Variants in KANSL1 observed in about 807,000 individuals in gnomAD.
KANSL1 encodes the protein KAT8 regulatory NSL complex subunit 1, also known as MLL1/MLL complex subunit KANSL1.
Under a neutral mutation model 103.6 loss-of-function variants are expected in KANSL1, and 22 were observed. The observed-to-expected ratio is 0.21, with a 90% CI of 0.15 to 0.30. The LOEUF (loss-of-function observed/expected upper bound fraction) is 0.30, where lower values mean the gene tolerates loss of function less well. Ranked by LOEUF, KANSL1 falls within the 10% of genes least tolerant of loss-of-function variation. The pLI, the probability that KANSL1 is intolerant of heterozygous loss-of-function variation, is 1.00. For missense variants in KANSL1, 1,337 were observed against 1,399.8 expected (o/e 0.96, Z 0.72); for synonymous variants, 600 against 527.6 (o/e 1.14, Z -1.88).
At position 46,208,852 on chromosome 17, in the gene KANSL1, C is replaced by CA. The variant is rs35006267; in HGVS notation, c.-90+14818dup. Among the ~76,000 whole-genome samples, 306 of 101,852 alleles carry CA rather than the reference C, an allele frequency of 3.0e-3. 1 individual carries two copies. Among genetic ancestry groups the CA allele is most frequent in the East Asian group, 0.011 (31 of 2,810 alleles). 66.8% of individuals were successfully genotyped at this position (101,852 alleles called of 152,430 possible). A position where few individuals can be genotyped will look rare whatever the true frequency, so the allele number is the denominator to read the frequency against. On this transcript the variant is annotated intron_variant, in intron 1 of 14. Transcript: ENST00000572904. ...TGGGCGACACAGCAAGACTCCGTCT[C>CA]AAAAAAAAAAAAAAAACCTTACAAC...
chr17:46,205,336 A>G (rs2147997329), intron 1 of KANSL1, among the ~76,000 whole-genome samples: 1 of 152,260 alleles, frequency 6.6e-6, no homozygotes, highest in African/African-American at 2.4e-5. Context: ...CAATCTGAAC[A>G]TGAAAAGTTT....
At chr17:46,032,386 G>C in intron 13 of KANSL1, 87 bp from the exon 14 acceptor site, 7 of 1,208,460 alleles carry the variant, frequency 5.8e-6, no homozygotes, top group Non-Finnish European at 7.9e-6. Flanking sequence ...CCCACTGGAG[G>C]AGTTGAGGCA....
chr17:46,039,578 G>T, intron 8 of KANSL1, 124 bp downstream of exon 8: 1 of 1,083,132 alleles, frequency 9.2e-7, no homozygotes, highest in Non-Finnish European at 1.3e-6. Context: ...ACTGTGAGCT[G>T]AATTTTTTAT....
intron 3 of KANSL1, chr17:46,088,308 C>A (rs1365808249): frequency 6.6e-6 from 1 of 152,338 alleles, no homozygotes; most frequent in Non-Finnish European, 1.5e-5. Flanking sequence ...CTTCCCTATG[C>A]ATCTCAAGAC....
chr17:46,053,402 A>G, intron 6 of KANSL1, among the ~76,000 whole-genome samples: 1 of 152,278 alleles, frequency 6.6e-6, no homozygotes, highest in Non-Finnish European at 1.5e-5. Flanking sequence ...TAAATTAAAA[A>G]CTGTAAAGTA....
intron 1 of KANSL1, among the ~76,000 whole-genome samples, chr17:46,200,997 C>T (rs1380912430): frequency 6.6e-6 from 1 of 152,082 alleles, no homozygotes; most frequent in Non-Finnish European, 1.5e-5. Flanking sequence ...CCGCAACCTC[C>T]ACCTCCTGGG....
intron 2 of KANSL1, among the ~76,000 whole-genome samples, chr17:46,137,530 A>G (rs1290826258): frequency 1.3e-5 from 2 of 152,224 alleles, no homozygotes; most frequent in Non-Finnish European, 2.9e-5. Flanking sequence ...AATTGTCATA[A>G]AAGTTTTCAG....
At chr17:46,134,467 A>G (rs1217493742) in intron 2 of KANSL1, among the ~76,000 whole-genome samples, 2 of 152,202 alleles carry the variant, frequency 1.3e-5, no homozygotes, top group East Asian at 3.8e-4. Flanking sequence ...TAACAATCAG[A>G]TAAAGTCTGA....
chr17:46,149,030 T>C (rs1223403439), intron 2 of KANSL1, among the ~76,000 whole-genome samples: 2 of 143,694 alleles, frequency 1.4e-5, no homozygotes, highest in African/African-American at 5.3e-5. Flanking sequence ...TGAGACGGAG[T>C]CTCGCTCTAT....
chr17:46,086,305 A>T (rs2079161351), intron 3 of KANSL1, among the ~76,000 whole-genome samples: 1 of 152,226 alleles, frequency 6.6e-6, no homozygotes, highest in East Asian at 1.9e-4. Flanking sequence ...GGTAGGGACC[A>T]TCTATTCATC....
chr17:46,073,572 T>C (rs907139294), intron 4 of KANSL1, among the ~76,000 whole-genome samples: 1 of 152,056 alleles, frequency 6.6e-6, no homozygotes, highest in Non-Finnish European at 1.5e-5. Flanking sequence ...GAAAAGGATA[T>C]AAAGAAGAAT....
chr17:46,148,465 C>T (rs1254731454), intron 2 of KANSL1, among the ~76,000 whole-genome samples: 4 of 152,206 alleles, frequency 2.6e-5, no homozygotes, highest in Admixed American at 2.0e-4. Context: ...GGAAACGTTC[C>T]TATCTCTCAA....
chr17:46,219,153 AC>A (rs1272923476), intron 1 of KANSL1, among the ~76,000 whole-genome samples: 1 of 151,806 alleles, frequency 6.6e-6, no homozygotes, highest in Non-Finnish European at 1.5e-5. Flanking sequence ...AATCCCAGCT[AC>A]TTGGGAGGCT....
intron 1 of KANSL1, among the ~76,000 whole-genome samples, chr17:46,216,828 G>A (rs1046958656): frequency 6.6e-6 from 1 of 151,970 alleles, no homozygotes; most frequent in African/African-American, 2.4e-5. Context: ...CCAGGGGCCT[G>A]GGCACAGTGG....
intron 2 of KANSL1, chr17:46,121,380 G>C (rs2043273406): frequency 6.6e-6 from 1 of 152,250 alleles, no homozygotes; most frequent in South Asian, 2.1e-4. Flanking sequence ...ACCACTTGCT[G>C]TTGAAGCTAC....
intron 4 of KANSL1, among the ~76,000 whole-genome samples, chr17:46,077,582 G>A (rs2078828036): frequency 6.6e-6 from 1 of 152,134 alleles, no homozygotes; most frequent in East Asian, 1.9e-4. Context: ...TTTTGAGACG[G>A]AGTCTCACTC....
At chr17:46,106,583 G>C (rs934434118) in intron 2 of KANSL1, among the ~76,000 whole-genome samples, 1 of 152,038 alleles carries the variant, frequency 6.6e-6, no homozygotes, top group Non-Finnish European at 1.5e-5. Context: ...AGTAGAGACG[G>C]GGTTTCACCA....
intron 6 of KANSL1, among the ~76,000 whole-genome samples, chr17:46,053,609 T>C (rs918681006): frequency 6.6e-6 from 1 of 151,960 alleles, no homozygotes; most frequent in African/African-American, 2.4e-5. Context: ...TATTTTTGTA[T>C]TTTTTTAGTA....
chr17:46,176,902 C>G (rs987845192), intron 1 of KANSL1, among the ~76,000 whole-genome samples: 1 of 152,074 alleles, frequency 6.6e-6, no homozygotes, highest in African/African-American at 2.4e-5. Flanking sequence ...GTGCAGAGAA[C>G]AGGAAAAAGT....
Sources: gnomAD v4.1 joint callset for allele counts (sites outside exome capture counted in the v4.1 genomes callset) on GRCh38, gnomAD v4.1.1 for gene constraint, MANE v1.5 for transcripts, NCBI Gene and HGNC (gene_info 2026-07-23, HGNC 2026-07-21) for gene names.